The following ZNF562 variants were observed in gnomAD, a reference collection of about 807,000 sequenced individuals.
ZNF562 encodes zinc finger protein 562.
In ZNF562, 13 loss-of-function variants were observed where a neutral mutation model predicts 17.5. That is an observed-to-expected ratio of 0.74 (90% confidence interval 0.48 to 1.18). The LOEUF (loss-of-function observed/expected upper bound fraction) is 1.18, where lower values mean the gene tolerates loss of function less well. Ranked by LOEUF, ZNF562 falls within the 50% of genes most tolerant of loss-of-function variation. The pLI is 0.00. For missense variants in ZNF562, 481 were observed against 498.5 expected (o/e 0.96, Z 0.33); for synonymous variants, 163 against 165.4 (o/e 0.99, Z 0.11).
At chr19:9,666,984 T>C (rs997597871) in intron 1 of ZNF562, among the ~76,000 whole-genome samples, 17 of 152,140 alleles carry the variant, frequency 1.1e-4, no homozygotes, top group African/African-American at 3.6e-4. Flanking sequence ...TCAAACAAAA[T>C]TGAAGAGGAG....
chr19:9,657,188 G>C (rs1318471551), intron 4 of ZNF562, among the ~76,000 whole-genome samples: 1 of 151,698 alleles, frequency 6.6e-6, no homozygotes, highest in Non-Finnish European at 1.5e-5. Context: ...AACTGATGGG[G>C]AACAGGAAGA....
At chr19:9,661,544 C>G (rs2043738734) in intron 1 of ZNF562, among the ~76,000 whole-genome samples, 1 of 151,830 alleles carries the variant, frequency 6.6e-6, no homozygotes, top group Non-Finnish European at 1.5e-5. Flanking sequence ...GCCTGTAATC[C>G]CAACACTTTG....
At chr19:9,667,594 T>G (rs991644814) in intron 1 of ZNF562, among the ~76,000 whole-genome samples, 1 of 152,184 alleles carries the variant, frequency 6.6e-6, no homozygotes. Context: ...GCCAATGACA[T>G]GACCTTTTTC....
At chr19:9,653,940 C>G (rs1221615856) in intron 5 of ZNF562, 59 bp from the exon 6 acceptor site, 6 of 1,431,470 alleles carry the variant, frequency 4.2e-6, no homozygotes, top group Non-Finnish European at 5.5e-6. Context: ...TTTCACCCAT[C>G]TGAACACAGA....
At position 9,644,173 on chromosome 19, in the gene ZNF562, T is replaced by TA. The variant is rs1156506820; in HGVS notation, c.*8775dup. 1 of 152,170 alleles carries TA rather than the reference T, an allele frequency of 6.6e-6. No individual in the cohort carries two copies. The highest frequency in any genetic ancestry group is 1.5e-5 in the Non-Finnish European group (1 of 68,026). 9.4% of individuals were successfully genotyped at this position (152,170 alleles called of 1,614,324 possible). A position where few individuals can be genotyped will look rare whatever the true frequency, so the allele number is the denominator to read the frequency against. ...ATGACTGTACTGTTTTTATCAGTGA[T>TA]AAAAACGATACATATATACATCTTG... On this transcript the variant is annotated 3_prime_UTR_variant, in exon 6 of 6. Transcript: ENST00000453372.
intron 1 of ZNF562, among the ~76,000 whole-genome samples, chr19:9,662,142 T>G (rs897009288): frequency 1.1e-4 from 16 of 152,082 alleles, no homozygotes; most frequent in African/African-American, 3.9e-4. Flanking sequence ...TAGAGCCTGA[T>G]CCCCTGTATA....
chr19:9,675,005 TAGA>T lies in ZNF562; in HGVS notation c.-131+7_-131+9del, dbSNP rs2044356905. On this transcript the variant is annotated splice_region_variant and intron_variant, in intron 1 of 5. Transcript: ENST00000453372. ...GGTATGTCCCGGACCCCCAAGCAGG[TAGA>T]ACTCACCACAGCGGGGTGGACTCCA... 1 of 144,668 alleles carries T rather than the reference TAGA, an allele frequency of 6.9e-6. No homozygotes were observed. Among genetic ancestry groups the T allele is most frequent in the African/African-American group, 2.8e-5 (1 of 36,194 alleles). 9.0% of individuals were successfully genotyped at this position (144,668 alleles called of 1,614,324 possible).
chr19:9,674,638 C>T (rs1939651388), intron 1 of ZNF562: 3 of 152,148 alleles, frequency 2.0e-5, no homozygotes, highest in South Asian at 4.1e-4. Flanking sequence ...TCACCAGGAA[C>T]ATGCCGGAAG....
chr19:9,672,811 C>T (rs1403841892), intron 1 of ZNF562, among the ~76,000 whole-genome samples: 3 of 140,608 alleles, frequency 2.1e-5, no homozygotes, highest in Admixed American at 1.5e-4. Context: ...GACAGTTTCG[C>T]TCTTGTCACC....
intron 1 of ZNF562, among the ~76,000 whole-genome samples, chr19:9,668,329 C>T (rs2044027832): frequency 1.3e-5 from 2 of 151,914 alleles, no homozygotes; most frequent in South Asian, 4.2e-4. Flanking sequence ...GCATGAGCTA[C>T]AACTGCACCA....
intron 1 of ZNF562, chr19:9,674,733 A>G (rs1205295706): frequency 6.6e-6 from 1 of 152,232 alleles, no homozygotes. Flanking sequence ...GGAAAGAAAA[A>G]AACTCCCAAA....
At chr19:9,674,206 A>G (rs995212928) in intron 1 of ZNF562, among the ~76,000 whole-genome samples, 10 of 152,150 alleles carry the variant, frequency 6.6e-5, no homozygotes, top group Non-Finnish European at 2.9e-5. Context: ...GAAAATGGTT[A>G]TAACAGAGCA....
rs1326731906 is a variant in ZNF562, at chr19:9,645,081, C to A, written c.*7868G>T. 1 of 150,904 alleles carries A rather than the reference C, an allele frequency of 6.6e-6. No homozygotes were observed. Among genetic ancestry groups the A allele is most frequent in the Non-Finnish European group, 1.5e-5 (1 of 67,886 alleles). The allele number at this position is 150,904 out of a possible 1,614,324, so 9.3% of individuals were successfully genotyped here. A position where few individuals can be genotyped will look rare whatever the true frequency, so the allele number is the denominator to read the frequency against. ...TTTTTTTTTTTGAGACAGAGTCTCA[C>A]ACTGTCACCAGGCTGGAGTGCCGTG... On this transcript the variant is annotated 3_prime_UTR_variant, in exon 6 of 6. Coordinates refer to ENST00000453372, the MANE Select transcript of ZNF562 (RefSeq NM_001130031.2).
At chr19:9,673,191 A>G (rs1419989919) in intron 1 of ZNF562, among the ~76,000 whole-genome samples, 1 of 152,112 alleles carries the variant, frequency 6.6e-6, no homozygotes, top group Non-Finnish European at 1.5e-5. Flanking sequence ...CAGATAGCCA[A>G]TAGGGTCAGT....
At chr19:9,661,242 C>T (rs372693853) in intron 1 of ZNF562, among the ~76,000 whole-genome samples, 1 of 152,090 alleles carries the variant, frequency 6.6e-6, no homozygotes, top group African/African-American at 2.4e-5. Flanking sequence ...CTACATTTCC[C>T]GGGCTCAAGT....
At chr19:9,667,972 C>G (rs929406871) in intron 1 of ZNF562, among the ~76,000 whole-genome samples, 2 of 152,152 alleles carry the variant, frequency 1.3e-5, no homozygotes, top group Non-Finnish European at 2.9e-5. Context: ...AGTAAATGTT[C>G]AGGACACAAA....
intron 5 of ZNF562, 39 bp downstream of exon 5, chr19:9,656,508 A>G (rs774876221): frequency 6.2e-7 from 1 of 1,607,394 alleles, no homozygotes; most frequent in Admixed American, 1.7e-5. Flanking sequence ...CCGTCTCAAA[A>G]AACAGAAGAA....
Position 9,660,713 on chromosome 19 carries a change from G to A in ZNF562, c.25+7C>T, listed in dbSNP as rs1309195022. 8 of 1,612,712 alleles carry A rather than the reference G, an allele frequency of 5.0e-6. No individual in the cohort carries two copies. In the East Asian group the frequency reaches 1.3e-4, roughly 27 times the overall value. ...ATCTCTGAAAAAGAGCATCAACAAG[G>A]ACTTACCATGGGACATATCAAAGGC... is the stretch of plus-strand genomic sequence containing the variant. On this transcript the variant is annotated splice_region_variant and intron_variant, in intron 2 of 5. Transcript: ENST00000453372.
chr19:9,663,688 T>TC (rs2043843998), intron 1 of ZNF562, among the ~76,000 whole-genome samples: 2 of 152,062 alleles, frequency 1.3e-5, no homozygotes, highest in South Asian at 2.1e-4. Flanking sequence ...TTTTTCTTTT[T>TC]TTTTCTGAGA....
Sources: gnomAD v4.1 joint callset for allele counts (sites outside exome capture counted in the v4.1 genomes callset) on GRCh38, gnomAD v4.1.1 for gene constraint, MANE v1.5 for transcripts, NCBI Gene and HGNC (gene_info 2026-07-23, HGNC 2026-07-21) for gene names.